Variants in GRIN2B observed in about 807,000 individuals in gnomAD.
GRIN2B encodes the protein glutamate ionotropic receptor NMDA type subunit 2B.
Under a neutral mutation model 114.5 loss-of-function variants are expected in GRIN2B, and 5 were observed. The ratio of observed to expected loss-of-function variants is 0.04; its 90% CI spans 0.02 to 0.09. GRIN2B has a LOEUF of 0.09. GRIN2B is among the 10% of genes least tolerant of loss of function. The pLI, the probability that GRIN2B is intolerant of heterozygous loss-of-function variation, is 1.00. For synonymous variants in GRIN2B, 787 were observed against 745.1 expected (o/e 1.06, Z -0.92); for missense variants, 1,108 against 1,943.5 (o/e 0.57, Z 8.08).
chr12:13,948,471 G>A (rs1296845799), intron 2 of GRIN2B, among the ~76,000 whole-genome samples: 2 of 152,118 alleles, frequency 1.3e-5, no homozygotes, highest in East Asian at 3.9e-4. Context: ...ACAGATTTGG[G>A]TCTTAGATTT....
chr12:13,590,574 T>G (rs1009285771), intron 10 of GRIN2B, among the ~76,000 whole-genome samples: 1 of 152,208 alleles, frequency 6.6e-6, no homozygotes, highest in African/African-American at 2.4e-5. Context: ...GCAAAGGACA[T>G]GAACTCATTT....
chr12:13,553,316 GA>G lies in GRIN2B; in HGVS notation c.*9466del, dbSNP rs932518312. 23 of 152,322 alleles carry G rather than the reference GA, an allele frequency of 1.5e-4. No homozygotes were observed. The highest frequency in any genetic ancestry group is 5.1e-4 in the African/African-American group (21 of 41,566). 9.4% of individuals were successfully genotyped at this position (152,322 alleles called of 1,614,324 possible). Reference sequence around the variant, plus strand: ...TAATGAATCCCTTTATATTTACAGAGAAAGGAGTAGTTTAGAGACTAGCATT... The same window carrying G: ...TAATGAATCCCTTTATATTTACAGAGAAGGAGTAGTTTAGAGACTAGCATT... On this transcript the variant is annotated 3_prime_UTR_variant, in exon 14 of 14. Transcript: ENST00000609686.
chr12:13,739,671 T>G (rs929774789), intron 4 of GRIN2B, among the ~76,000 whole-genome samples: 2 of 152,132 alleles, frequency 1.3e-5, no homozygotes, highest in Non-Finnish European at 2.9e-5. Flanking sequence ...AATAGCTGAT[T>G]GCATGGAGAA....
rs770239755 is a variant in GRIN2B, at chr12:13,941,436, G to GA, written c.-19+38491dup. Among the ~76,000 whole-genome samples the GA allele has an allele frequency of 5.9e-5, 9 of 152,144 alleles. No homozygotes were observed. In the East Asian group the frequency reaches 1.3e-3, roughly 23 times the overall value. ...GCTGTGAAGATGGACAAAGGGACAA[G>GA]AAAAAAATCACAATGATGCTCTGAT... On this transcript the variant is annotated intron_variant, in intron 2 of 13. Transcript: ENST00000609686.
intron 3 of GRIN2B, among the ~76,000 whole-genome samples, chr12:13,808,754 TA>T (rs1864668139): frequency 1.5e-5 from 1 of 68,920 alleles, no homozygotes; most frequent in Non-Finnish European, 3.6e-5. Flanking sequence ...AAAAAAAAAA[TA>T]TATATATATA....
At chr12:13,599,336 C>A (rs1222817225) in intron 10 of GRIN2B, among the ~76,000 whole-genome samples, 2 of 152,152 alleles carry the variant, frequency 1.3e-5, no homozygotes, top group Non-Finnish European at 2.9e-5. Flanking sequence ...ACACCTTTTC[C>A]ACTCTTGCCA....
At chr12:13,905,041 G>A (rs1866514969) in intron 2 of GRIN2B, among the ~76,000 whole-genome samples, 1 of 151,796 alleles carries the variant, frequency 6.6e-6, no homozygotes, top group Non-Finnish European at 1.5e-5. Context: ...TATAACTATA[G>A]GTAGATAAAC....
rs10845801 is a variant in GRIN2B at position 13,538,406 on chromosome 12, G to A, written c.*24377C>T. The A allele has an allele frequency of 0.086, 13,142 of 152,262 alleles. 796 individuals are homozygous for A. The highest frequency in any genetic ancestry group is 0.29 in the East Asian group (1,505 of 5,154). 9.4% of individuals were successfully genotyped at this position (152,262 alleles called of 1,614,324 possible). Reference sequence around the variant, plus strand: ...TCAGGAAGTTCTGGCACTCACCCTTGTCATTGGAGTCTTTGTTTTATTGAA... The same window carrying A: ...TCAGGAAGTTCTGGCACTCACCCTTATCATTGGAGTCTTTGTTTTATTGAA... On this transcript the variant is annotated 3_prime_UTR_variant, in exon 14 of 14. Transcript: ENST00000609686.
At chr12:13,601,052 G>A (rs1236086159) in intron 10 of GRIN2B, among the ~76,000 whole-genome samples, 5 of 152,204 alleles carry the variant, frequency 3.3e-5, no homozygotes, top group Admixed American at 3.3e-4. Context: ...ATGGGGCTGG[G>A]AGACTGACAA....
chr12:13,705,534 T>C (rs1950352389), intron 4 of GRIN2B, among the ~76,000 whole-genome samples: 1 of 152,132 alleles, frequency 6.6e-6, no homozygotes, highest in Non-Finnish European at 1.5e-5. Context: ...AAAGGGATTA[T>C]GTCTGTTAAC....
At chr12:13,852,746 G>A (rs1412876165) in intron 3 of GRIN2B, among the ~76,000 whole-genome samples, 4 of 149,254 alleles carry the variant, frequency 2.7e-5, no homozygotes, top group South Asian at 4.3e-4. Flanking sequence ...AGAGGTCACC[G>A]GGCTCTGAAA....
At chr12:13,714,806 G>T (rs1360319505) in intron 4 of GRIN2B, among the ~76,000 whole-genome samples, 1 of 151,916 alleles carries the variant, frequency 6.6e-6, no homozygotes, top group East Asian at 1.9e-4. Flanking sequence ...ATTGTGTAGT[G>T]GTCAAGTTAG....
chr12:13,828,978 A>C (rs1238325833), intron 3 of GRIN2B, among the ~76,000 whole-genome samples: 1 of 151,994 alleles, frequency 6.6e-6, no homozygotes, highest in Non-Finnish European at 1.5e-5. Context: ...TCCCTTGCTC[A>C]CTATATTCTA....
intron 5 of GRIN2B, among the ~76,000 whole-genome samples, chr12:13,657,205 A>C (rs1949873893): frequency 6.6e-6 from 1 of 152,162 alleles, no homozygotes; most frequent in Admixed American, 6.6e-5. Flanking sequence ...AATAAAACCC[A>C]CTAGGAAAAC....
chr12:13,779,010 G>A (rs139591258), intron 3 of GRIN2B, among the ~76,000 whole-genome samples: 13 of 152,032 alleles, frequency 8.6e-5, no homozygotes, highest in South Asian at 2.1e-4. Flanking sequence ...TCCTTAACGC[G>A]ACCCAACCCC....
chr12:13,833,024 C>T (rs948906728), intron 3 of GRIN2B, among the ~76,000 whole-genome samples: 1 of 152,136 alleles, frequency 6.6e-6, no homozygotes, highest in Non-Finnish European at 1.5e-5. Flanking sequence ...CAAAGCGGAT[C>T]ATGTAAAAGT....
At chr12:13,951,330 T>A (rs543437849) in intron 2 of GRIN2B, among the ~76,000 whole-genome samples, 6 of 152,112 alleles carry the variant, frequency 3.9e-5, no homozygotes, top group Non-Finnish European at 8.8e-5. Context: ...CCCAGAGTGA[T>A]CCCTGAGCAG....
intron 2 of GRIN2B, among the ~76,000 whole-genome samples, chr12:13,929,652 C>A (rs1230297772): frequency 6.6e-6 from 1 of 152,190 alleles, no homozygotes; most frequent in Non-Finnish European, 1.5e-5. Flanking sequence ...TGAACAACAG[C>A]CTGCCATAAT....
At chr12:13,801,129 T>A (rs1172494699) in intron 3 of GRIN2B, among the ~76,000 whole-genome samples, 1 of 152,170 alleles carries the variant, frequency 6.6e-6, no homozygotes, top group Non-Finnish European at 1.5e-5. Flanking sequence ...AACCAAAACC[T>A]GCCATATCAA....
Sources: gnomAD v4.1 joint callset for allele counts (sites outside exome capture counted in the v4.1 genomes callset) on GRCh38, gnomAD v4.1.1 for gene constraint, MANE v1.5 for transcripts, NCBI Gene and HGNC (gene_info 2026-07-23, HGNC 2026-07-21) for gene names.